Variants in DPH6 observed in about 807,000 individuals in gnomAD.
DPH6 encodes the protein diphthine--ammonia ligase.
In DPH6, 33 loss-of-function variants were observed where a neutral mutation model predicts 38.2. The ratio of observed to expected loss-of-function variants is 0.86; its 90% CI spans 0.65 to 1.15. DPH6 has a LOEUF of 1.15. Ranked by LOEUF, DPH6 falls within the 50% of genes most tolerant of loss-of-function variation. DPH6 has a pLI of 0.00. For synonymous variants in DPH6, 108 were observed against 103.0 expected (o/e 1.05, Z -0.30); for missense variants, 325 against 320.0 (o/e 1.02, Z -0.12).
At chr15:35,276,363 T>C (rs144542946) in intron 3 of DPH6, among the ~76,000 whole-genome samples, 3,287 of 152,326 alleles carry the variant, frequency 0.022, 48 homozygotes, top group African/African-American at 0.042. Flanking sequence ...ATTGTGAAGA[T>C]TTTCTCCCAC....
At chr15:35,223,188 C>T (rs2051453922) in intron 3 of DPH6, among the ~76,000 whole-genome samples, 1 of 152,130 alleles carries the variant, frequency 6.6e-6, no homozygotes, top group South Asian at 2.1e-4. Flanking sequence ...CAGAATCTTG[C>T]AAAGGCCTTC....
At chr15:35,187,265 C>A in the DPH6 span, among the ~76,000 whole-genome samples, 2 of 152,106 alleles carry the variant, frequency 1.3e-5, no homozygotes, top group African/African-American at 4.8e-5. Flanking sequence ...TAATCATATA[C>A]CTAATAATTT....
the DPH6 span, among the ~76,000 whole-genome samples, chr15:35,205,861 A>G: frequency 1.3e-5 from 2 of 152,136 alleles, no homozygotes; most frequent in Admixed American, 6.5e-5. Flanking sequence ...ACAATTTAAA[A>G]AATAATCCCA....
At chr15:35,424,239 C>T (rs973147645) in intron 5 of DPH6, among the ~76,000 whole-genome samples, 1 of 151,508 alleles carries the variant, frequency 6.6e-6, no homozygotes, top group Admixed American at 6.6e-5. Flanking sequence ...TTTCCTTCAG[C>T]AATATTTTAC....
intron 6 of DPH6, among the ~76,000 whole-genome samples, chr15:35,397,891 A>G (rs2053165597): frequency 1.3e-5 from 2 of 151,704 alleles, no homozygotes; most frequent in East Asian, 1.9e-4. Flanking sequence ...ACACACACAC[A>G]CACACACACA....
intron 3 of DPH6, chr15:35,520,426 T>G (rs1406293967): frequency 1.9e-5 from 19 of 982,920 alleles, no homozygotes; most frequent in Non-Finnish European, 2.2e-5. Flanking sequence ...GAATCTTACC[T>G]TTACATATGG....
intron 3 of DPH6, among the ~76,000 whole-genome samples, chr15:35,359,422 T>C (rs1449628763): frequency 6.6e-6 from 1 of 152,218 alleles, no homozygotes; most frequent in East Asian, 1.9e-4. Context: ...TTCAAATTGT[T>C]ACAAAGTTCA....
rs199583065 is a variant in DPH6 at position 35,526,541 on chromosome 15, TGA to T, written c.312+11731_312+11732del. Among the ~76,000 whole-genome samples, 1,014 of 152,256 alleles carry T rather than the reference TGA, an allele frequency of 6.7e-3. 7 individuals are homozygous for T. The highest frequency in any genetic ancestry group is 9.5e-3 in the Non-Finnish European group (649 of 68,004). The stretch of plus-strand genomic sequence containing the variant: ...AAGTATGGCATAATTCTGCTGGTGT[TGA>T]GAGTTAATTGCTTTTACATACAGGA... On this transcript the variant is annotated intron_variant, in intron 3 of 8. Coordinates refer to ENST00000256538, the MANE Select transcript of DPH6 (RefSeq NM_080650.4).
At chr15:35,147,729 G>A in the DPH6 span, among the ~76,000 whole-genome samples, 2 of 152,220 alleles carry the variant, frequency 1.3e-5, no homozygotes, top group African/African-American at 4.8e-5. Flanking sequence ...TCTGTGGGTA[G>A]AGTGAGTACT....
At chr15:35,182,913 A>G in the DPH6 span, among the ~76,000 whole-genome samples, 1 of 152,214 alleles carries the variant, frequency 6.6e-6, no homozygotes, top group African/African-American at 2.4e-5. Flanking sequence ...AAAGCAAAAA[A>G]TACTATTTCC....
chr15:35,330,934 C>T (rs1265401939), exon 4 of DPH6: 8 of 152,108 alleles, frequency 5.3e-5, no homozygotes, highest in Admixed American at 4.6e-4. Context: ...TAAATACTAA[C>T]TAAATTAGCA....
chr15:35,516,222 C>A (rs2054844892), intron 3 of DPH6, among the ~76,000 whole-genome samples: 1 of 152,098 alleles, frequency 6.6e-6, no homozygotes, highest in South Asian at 2.1e-4. Context: ...AAGAGCACAG[C>A]TAAATTCTCT....
At chr15:35,403,418 C>T (rs567338614) in intron 6 of DPH6, among the ~76,000 whole-genome samples, 2 of 152,172 alleles carry the variant, frequency 1.3e-5, no homozygotes, top group African/African-American at 2.4e-5. Flanking sequence ...AGTCCAATTA[C>T]ACTTTTTTAG....
intron 3 of DPH6, among the ~76,000 whole-genome samples, chr15:35,531,481 ATT>A (rs2055086577): frequency 6.6e-6 from 1 of 151,974 alleles, no homozygotes; most frequent in Admixed American, 6.6e-5. Context: ...CATTAAAAAA[ATT>A]TTTTTTGAGG....
chr15:35,178,352 A>C, the DPH6 span, among the ~76,000 whole-genome samples: 7 of 152,226 alleles, frequency 4.6e-5, no homozygotes, highest in Non-Finnish European at 8.8e-5. Context: ...AATCCACCTC[A>C]AAATCATGGC....
chr15:35,526,448 T>C (rs900563653), intron 3 of DPH6, among the ~76,000 whole-genome samples: 3 of 152,156 alleles, frequency 2.0e-5, no homozygotes, highest in South Asian at 2.1e-4. Context: ...AGTTTAACAA[T>C]TGCTCATCGA....
At chr15:35,284,802 T>A (rs960962544) in intron 3 of DPH6, among the ~76,000 whole-genome samples, 2 of 4,694 alleles carry the variant, frequency 4.3e-4, no homozygotes, top group African/African-American at 6.9e-4. Context: ...AGTCTCCAAA[T>A]TTTTTTTTTT....
the DPH6 span, among the ~76,000 whole-genome samples, chr15:35,191,841 T>C: frequency 6.6e-6 from 1 of 152,184 alleles, no homozygotes; most frequent in Admixed American, 6.5e-5. Flanking sequence ...ATTGCTTCCT[T>C]ACCTCTCCCT....
intron 6 of DPH6, among the ~76,000 whole-genome samples, chr15:35,410,352 C>T (rs1457669418): frequency 2.0e-5 from 3 of 151,632 alleles, no homozygotes; most frequent in Admixed American, 6.6e-5. Flanking sequence ...ATGTTTAGAA[C>T]ATGTTTAGGG....
Sources: gnomAD v4.1 joint callset for allele counts (sites outside exome capture counted in the v4.1 genomes callset) on GRCh38, gnomAD v4.1.1 for gene constraint, MANE v1.5 for transcripts, NCBI Gene and HGNC (gene_info 2026-07-23, HGNC 2026-07-21) for gene names.